The following FN1 variants were observed in gnomAD, a reference collection of about 807,000 sequenced individuals.
FN1 encodes fibronectin.
In FN1, 106 loss-of-function variants were observed where a neutral mutation model predicts 297.3. That is an observed-to-expected ratio of 0.36 (90% CI 0.30 to 0.42). The LOEUF is 0.42. Ranked by LOEUF, FN1 falls within the 10% of genes least tolerant of loss-of-function variation. The probability of loss-of-function intolerance (pLI) is 1.00; values close to 1 mark genes in which losing one functional copy is unlikely to be tolerated. For synonymous variants in FN1, 1,149 were observed against 1,152.6 expected, an observed-to-expected ratio of 1.00 and a Z score of 0.06; for missense variants, 2,690 against 3,124.9, an observed-to-expected ratio of 0.86 and a Z score of 3.32.
At chr2:215,387,668 T>A (rs1329526827) in intron 27 of FN1, among the ~76,000 whole-genome samples, 2 of 152,198 alleles carry the variant, frequency 1.3e-5, no homozygotes, top group East Asian at 3.8e-4. Flanking sequence ...GAAACCAAAC[T>A]AAGATATCAT....
chr2:215,368,102 G>T, intron 41 of FN1, 75 bp from the exon 42 acceptor site: 2 of 1,432,928 alleles, frequency 1.4e-6, no homozygotes, highest in South Asian at 2.3e-5. Context: ...AAAATCGAAT[G>T]ACTGTATACA....
intron 4 of FN1, among the ~76,000 whole-genome samples, chr2:215,431,384 G>C (rs1011228257): frequency 2.0e-5 from 3 of 152,164 alleles, no homozygotes; most frequent in Non-Finnish European, 4.4e-5. Flanking sequence ...TGAGGATTGA[G>C]ATCCAAAGAA....
rs1223123170 is a variant in FN1 at position 215,425,118 on chromosome 2, T to C, written c.1012A>G (p.Asn338Asp). ...NKQMLCTCLG[N>D]GVSCQETAVT... ...CCTGTCTCTTGGCAGCTGACTCCGT[T>C]GCCCAGGCACGTGCAAAGCATTTGC... The change falls in exon 7 of 46, where the codon AAC becomes GAC. Residue 338 changes from asparagine (N) to aspartate (D), a missense_variant. Coordinates refer to ENST00000354785, the MANE Select transcript of FN1 (RefSeq NM_212482.4). 1 of 1,614,258 alleles carries C rather than the reference T, an allele frequency of 6.2e-7. No individual in the cohort carries two copies. Among genetic ancestry groups the C allele is most frequent in the Non-Finnish European group, 8.5e-7 (1 of 1,180,048 alleles).
chr2:215,379,396 G>A (rs1034116377), intron 33 of FN1, 79 bp from the exon 34 acceptor site: 8 of 1,333,688 alleles, frequency 6.0e-6, no homozygotes, highest in Non-Finnish European at 7.5e-6. Context: ...CCAAGAAGTA[G>A]AATGGATTGT....
chr2:215,423,565 C>T lies in FN1; in HGVS notation c.1217-39G>A, dbSNP rs757317818. On this transcript the variant is annotated intron_variant, in intron 8 of 45. Transcript: ENST00000354785. ...TACACAACAAAGAAGGAAAAGATTA[C>T]CGCTGAGCTTTCCAATGTACACAGA... is the stretch of plus-strand genomic sequence containing the variant. 1.9e-5 allele frequency: 30 copies of T among 1,593,046 alleles called. No individual in the cohort carries two copies. The South Asian group carries it at 2.3e-4, about 12-fold the overall frequency.
At chr2:215,424,423 C>G in intron 7 of FN1, 98 bp from the exon 8 acceptor site, 1 of 981,034 alleles carries the variant, frequency 1.0e-6, no homozygotes. Context: ...GAGCTTGTGC[C>G]CTCAAAGGAA....
rs371672247 is a variant in FN1, at chr2:215,397,838, C to T, written c.3359G>A (p.Arg1120Gln). ...APRIGFKLGV[R>Q]PSQGGEAPRE... ...TGGTGCCTCTCCTCCCTGGCTTGGT[C>T]GTACACCCAGCTAGAGGAAGGAATG... The change falls in exon 22 of 46, where the codon CGA becomes CAA. Residue 1120 changes from arginine to glutamine, a missense_variant. Arg to Gln is a conservative substitution (Grantham distance 43). This residue lies in a region of FN1 where 1,743 missense variants were observed against 1,945.2 expected (regional missense o/e 0.90). Coordinates refer to ENST00000354785, the MANE Select transcript of FN1 (RefSeq NM_212482.4). 3.5e-5 allele frequency: 57 copies of T among 1,613,898 alleles called. No homozygotes were observed. The highest frequency in any genetic ancestry group is 4.6e-5 in the Non-Finnish European group (54 of 1,179,924).
intron 33 of FN1, 154 bp downstream of exon 33, chr2:215,380,654 TTTA>T: frequency 9.9e-7 from 1 of 1,010,302 alleles, no homozygotes; most frequent in Non-Finnish European, 1.5e-6. Flanking sequence ...TCACCTAAGT[TTTA>T]TTGTTTCTTA....
chr2:215,404,303 T>TTTTTG (rs748247130), intron 20 of FN1, 86 bp downstream of exon 20: 7 of 1,333,592 alleles, frequency 5.2e-6, no homozygotes, highest in Non-Finnish European at 7.4e-6. Flanking sequence ...TTTAATGTTT[T>TTTTTG]TTTTGTTTTG....
At chr2:215,427,971 A>G (rs983334245) in intron 6 of FN1, among the ~76,000 whole-genome samples, 2 of 152,042 alleles carry the variant, frequency 1.3e-5, no homozygotes, top group Admixed American at 6.5e-5. Context: ...CCTAAGGTTT[A>G]TTTGTATGTC....
At chr2:215,367,752 T>G (rs1260814795) in intron 42 of FN1, 111 bp downstream of exon 42, 1 of 1,064,686 alleles carries the variant, frequency 9.4e-7, no homozygotes, top group African/African-American at 1.6e-5. Context: ...TCTTGTTTGC[T>G]TCATGTTTGG....
At chr2:215,388,691 G>T (rs1275826298) in intron 26 of FN1, among the ~76,000 whole-genome samples, 1 of 152,194 alleles carries the variant, frequency 6.6e-6, no homozygotes, top group Non-Finnish European at 1.5e-5. Context: ...AACCCTGGAA[G>T]GTAGTTTGCT....
At chr2:215,373,259 G>T in intron 39 of FN1, 63 bp downstream of exon 39, 1 of 1,294,992 alleles carries the variant, frequency 7.7e-7, no homozygotes, top group Non-Finnish European at 1.1e-6. Context: ...CATATTGCAA[G>T]ATTGCTCATT....
At chr2:215,427,021 G>A (rs1559587284) in intron 6 of FN1, among the ~76,000 whole-genome samples, 2 of 151,232 alleles carry the variant, frequency 1.3e-5, no homozygotes, top group Admixed American at 6.6e-5. Context: ...GACTACAGGC[G>A]CCCGCCACAA....
intron 2 of FN1, among the ~76,000 whole-genome samples, 197 bp from the exon 3 acceptor site, chr2:215,433,658 C>A (rs1014379557): frequency 6.6e-6 from 1 of 152,292 alleles, no homozygotes; most frequent in African/African-American, 2.4e-5. Context: ...GACATATTGT[C>A]AAATTTTCTG....
chr2:215,363,113 AG>A (rs1351940545), intron 44 of FN1: 3 of 152,208 alleles, frequency 2.0e-5, no homozygotes, highest in African/African-American at 7.2e-5. Flanking sequence ...ACACAATACC[AG>A]TGACTACCTC....
chr2:215,380,649 TAA>T, intron 33 of FN1, 160 bp downstream of exon 33: 1 of 970,744 alleles, frequency 1.0e-6, no homozygotes, highest in Non-Finnish European at 1.6e-6. Context: ...AAATATCACC[TAA>T]GTTTTATTGT....
chr2:215,400,204 A>G (rs961813096), intron 20 of FN1, among the ~76,000 whole-genome samples: 2 of 152,012 alleles, frequency 1.3e-5, no homozygotes, highest in Non-Finnish European at 2.9e-5. Flanking sequence ...AGAAAAAAAA[A>G]AAGCTTTACG....
At position 215,425,242 on chromosome 2, in the gene FN1, C is replaced by G. The variant is rs201079072; in HGVS notation, c.888G>C (p.Pro296=). 1.2e-6 allele frequency: 2 copies of G among 1,613,930 alleles called. No individual in the cohort carries two copies. The highest frequency in any genetic ancestry group is 1.7e-6 in the Non-Finnish European group (2 of 1,180,018). The change falls in exon 7 of 46, where the codon CCG becomes CCC. Residue 296 remains proline (P), a synonymous_variant. Coordinates refer to ENST00000354785, the MANE Select transcript of FN1 (RefSeq NM_212482.4). Reference sequence around the variant, plus strand: ...AGGGAGGAGGCTGGGGGTGAGGCTGCGGTTGGTAAACAGCTGCACGAACAT... The same window carrying G: ...AGGGAGGAGGCTGGGGGTGAGGCTGGGGTTGGTAAACAGCTGCACGAACAT... ...FTDVRAAVYQ[P]QPHPQPPPYG... is the part of the protein sequence containing the mutation.
Sources: allele counts gnomAD v4.1 joint callset (sites outside exome capture counted in the v4.1 genomes callset), GRCh38; gene constraint gnomAD v4.1.1; regional missense constraint gnomAD v4.1.1; transcripts MANE v1.5; gene names NCBI Gene and HGNC (gene_info 2026-07-23, HGNC 2026-07-21).